FBN2: variants seen among roughly 807,000 people sequenced by gnomAD.
FBN2 encodes the protein fibrillin-2.
In FBN2, 105 loss-of-function variants were observed where a neutral mutation model predicts 355.6. That is an observed-to-expected ratio of 0.30 (90% CI 0.25 to 0.35). FBN2 has a LOEUF of 0.35. Ranked by LOEUF, FBN2 falls within the 10% of genes least tolerant of loss-of-function variation. The pLI, the probability that FBN2 is intolerant of heterozygous loss-of-function variation, is 1.00. For missense variants in FBN2, 3,280 were observed against 3,758.7 expected, an observed-to-expected ratio of 0.87 and a Z score of 3.33; for synonymous variants, 1,350 against 1,301.2, an observed-to-expected ratio of 1.04 and a Z score of -0.81.
chr5:128,472,010 C>T (rs900062013), intron 5 of FBN2, among the ~76,000 whole-genome samples: 1 of 152,058 alleles, frequency 6.6e-6, no homozygotes, highest in Non-Finnish European at 1.5e-5. Flanking sequence ...TCTCTTAAAG[C>T]GACTACTAAA....
At chr5:128,339,758 G>A (rs146290613) in intron 25 of FBN2, among the ~76,000 whole-genome samples, 103 of 152,244 alleles carry the variant, frequency 6.8e-4, no homozygotes, top group African/African-American at 2.4e-3. Flanking sequence ...GCCACCCCAG[G>A]TCGCAGCATG....
chr5:128,335,117 G>A, intron 30 of FBN2, 53 bp downstream of exon 30: 1 of 1,609,756 alleles, frequency 6.2e-7, no homozygotes, highest in Non-Finnish European at 8.5e-7. Flanking sequence ...GTGTGCATGT[G>A]GGTGTGTGTG....
intron 7 of FBN2, among the ~76,000 whole-genome samples, chr5:128,440,810 C>T (rs1282692349): frequency 6.6e-6 from 1 of 152,134 alleles, no homozygotes; most frequent in African/African-American, 2.4e-5. Context: ...ACAAAAATCC[C>T]TTAACTGAAT....
At chr5:128,262,876 A>G (rs1765009821) in intron 63 of FBN2, among the ~76,000 whole-genome samples, 1 of 152,228 alleles carries the variant, frequency 6.6e-6, no homozygotes, top group African/African-American at 2.4e-5. Context: ...AACTTGAGAC[A>G]GTGCGCCTAG....
chr5:128,415,920 T>A (rs1205929388), intron 7 of FBN2, among the ~76,000 whole-genome samples: 2 of 152,172 alleles, frequency 1.3e-5, no homozygotes, highest in Non-Finnish European at 2.9e-5. Flanking sequence ...GACATCTCAT[T>A]GTAATTTTGA....
rs1340353713 is a variant in FBN2 at position 128,321,633 on chromosome 5, T to C, written c.4472-2632A>G. Among the ~76,000 whole-genome samples the C allele has an allele frequency of 2.0e-5, 3 of 152,350 alleles. No individual in the cohort carries two copies. In the East Asian group the frequency reaches 5.8e-4, roughly 29 times the overall value. On this transcript the variant is annotated intron_variant, in intron 34 of 64. Coordinates refer to ENST00000262464, the MANE Select transcript of FBN2 (RefSeq NM_001999.4). Reference sequence around the variant, plus strand: ...CAAAGGACATGAACTCATCCTTTTTTATGGTTGCATAGTATTCCATGGTGT... The same window carrying C: ...CAAAGGACATGAACTCATCCTTTTTCATGGTTGCATAGTATTCCATGGTGT...
chr5:128,451,521 C>T (rs1754246632), intron 6 of FBN2, among the ~76,000 whole-genome samples: 1 of 152,100 alleles, frequency 6.6e-6, no homozygotes, highest in South Asian at 2.1e-4. Context: ...TGCCTCAGGC[C>T]TCCTGAGTAG....
intron 48 of FBN2, among the ~76,000 whole-genome samples, chr5:128,295,178 C>T (rs1486201146): frequency 6.8e-6 from 1 of 147,794 alleles, no homozygotes; most frequent in Non-Finnish European, 1.5e-5. Context: ...GGGCTCTGTT[C>T]TGTTCCATTG....
intron 5 of FBN2, among the ~76,000 whole-genome samples, chr5:128,516,201 T>C (rs554302015): frequency 5.9e-5 from 9 of 152,304 alleles, no homozygotes; most frequent in Non-Finnish European, 1.2e-4. Flanking sequence ...GGTCTTACCA[T>C]TGAATGCTGA....
intron 11 of FBN2, among the ~76,000 whole-genome samples, chr5:128,387,809 G>A (rs943632785): frequency 4.6e-5 from 7 of 152,138 alleles, no homozygotes; most frequent in Non-Finnish European, 8.8e-5. Context: ...TGAGAAGAAT[G>A]TATATTTTGT....
chr5:128,498,797 T>C (rs910581135), intron 5 of FBN2, among the ~76,000 whole-genome samples: 2 of 152,224 alleles, frequency 1.3e-5, no homozygotes, highest in Admixed American at 1.3e-4. Context: ...CACTATGATC[T>C]CTACAATCTT....
Position 128,369,329 on chromosome 5 carries a change from G to A in FBN2, c.2101C>T (p.His701Tyr). 6.2e-7 allele frequency: 1 copy of A among 1,614,012 alleles called. No individual in the cohort carries two copies. The highest frequency in any genetic ancestry group is 8.5e-7 in the Non-Finnish European group (1 of 1,179,986). ...GMDGRVCVDT[H>Y]MRSTCYGGIK... is the part of the protein sequence containing the mutation. ...CCTCCATAGCAGGTACTGCGCATGT[G>A]AGTATCTAAAGGAGATACAAAAACA... The change falls in exon 16 of 65, where the codon CAC becomes TAC. Residue 701 changes from histidine to tyrosine, a missense_variant. This residue lies in a region of FBN2 where 2,284 missense variants were observed against 2,749.5 expected (regional missense o/e 0.83). Transcript: ENST00000262464.
chr5:128,333,081 T>C lies in FBN2; in HGVS notation c.4100-47A>G, dbSNP rs764661746. On this transcript the variant is annotated intron_variant, in intron 31 of 64. Transcript: ENST00000262464. ...GAAGAAAATCAAAATACAAACTAAT[T>C]AATTCTACTTCCAAGTATATTTTTG... The C allele has an allele frequency of 1.5e-5, 23 of 1,505,986 alleles. 1 individual carries two copies. In the Admixed American group the frequency reaches 3.8e-4, roughly 25 times the overall value. The allele number at this position is 1,505,986 out of a possible 1,614,324, so 93.3% of individuals were successfully genotyped here.
chr5:128,376,049 T>C (rs1364798141), intron 14 of FBN2, among the ~76,000 whole-genome samples: 2 of 151,844 alleles, frequency 1.3e-5, no homozygotes, highest in African/African-American at 4.8e-5. Flanking sequence ...AATAAATAAA[T>C]TTAAAAAAGA....
Position 128,434,587 on chromosome 5 carries a change from C to CCT in FBN2, c.952+11892_952+11893dup, listed in dbSNP as rs143527483. On this transcript the variant is annotated intron_variant, in intron 7 of 64. Transcript: ENST00000262464. ...TAATTTGTGAGATGGAGAAAGGTTC[C>CCT]CTCTCTCTCTCTCTCTTCCTCCTAC... Among the ~76,000 whole-genome samples the CCT allele has an allele frequency of 1.5e-3, 217 of 147,360 alleles. 1 individual carries two copies. Among genetic ancestry groups the CCT allele is most frequent in the African/African-American group, 5.1e-3 (206 of 40,092 alleles).
At chr5:128,524,318 C>T (rs78043416) in intron 4 of FBN2, among the ~76,000 whole-genome samples, 2 of 152,250 alleles carry the variant, frequency 1.3e-5, no homozygotes, top group Non-Finnish European at 2.9e-5. Flanking sequence ...ACTGCTAATC[C>T]TGACCCAGAC....
chr5:128,487,905 G>A (rs1755381558), intron 5 of FBN2, among the ~76,000 whole-genome samples: 1 of 152,002 alleles, frequency 6.6e-6, no homozygotes, highest in South Asian at 2.1e-4. Context: ...ATCATTAAAG[G>A]AGATTTCTTG....
chr5:128,537,158 C>A (rs1031661963), intron 1 of FBN2, among the ~76,000 whole-genome samples, 192 bp downstream of exon 1: 1 of 152,066 alleles, frequency 6.6e-6, no homozygotes, highest in Non-Finnish European at 1.5e-5. Context: ...GCTTTCCGCC[C>A]GCTGAGCTGC....
chr5:128,459,924 C>T (rs1283665171), intron 6 of FBN2, among the ~76,000 whole-genome samples: 1 of 152,174 alleles, frequency 6.6e-6, no homozygotes, highest in Non-Finnish European at 1.5e-5. Flanking sequence ...TCCCCTCTCT[C>T]ACCACTCCTA....
Sources: allele counts gnomAD v4.1 joint callset (sites outside exome capture counted in the v4.1 genomes callset), GRCh38; gene constraint gnomAD v4.1.1; regional missense constraint gnomAD v4.1.1; transcripts MANE v1.5; gene names NCBI Gene and HGNC (gene_info 2026-07-23, HGNC 2026-07-21).